The following SMARCC1 variants were observed in gnomAD, a reference collection of about 807,000 sequenced individuals.
SMARCC1 encodes SWI/SNF complex subunit SMARCC1.
In SMARCC1, 43 loss-of-function variants were observed where a neutral mutation model predicts 147.4. The observed-to-expected ratio is 0.29, with a 90% CI of 0.23 to 0.38. The LOEUF is 0.38. Ranked by LOEUF, SMARCC1 falls within the 10% of genes least tolerant of loss-of-function variation. The pLI is 1.00. For missense variants in SMARCC1, 1,119 were observed against 1,381.1 expected (o/e 0.81, Z 3.01); for synonymous variants, 495 against 484.4 (o/e 1.02, Z -0.29).
chr3:47,667,344 G>GA (rs1171460457), intron 19 of SMARCC1, among the ~76,000 whole-genome samples: 7 of 151,174 alleles, frequency 4.6e-5, no homozygotes, highest in Middle Eastern at 6.8e-3. Context: ...GAGAGAGAGA[G>GA]AAACTCTTAC....
intron 8 of SMARCC1, 42 bp from the exon 9 acceptor site, chr3:47,710,850 A>C (rs1443228689): frequency 6.5e-7 from 1 of 1,547,566 alleles, no homozygotes; most frequent in Non-Finnish European, 8.8e-7. Flanking sequence ...TAAATAACAA[A>C]ATCACTCAAG....
chr3:47,740,106 G>A (rs1452509213), intron 3 of SMARCC1, among the ~76,000 whole-genome samples: 1 of 149,814 alleles, frequency 6.7e-6, no homozygotes, highest in Non-Finnish European at 1.5e-5. Flanking sequence ...CTGACCTCAG[G>A]TGATCGCACA....
intron 3 of SMARCC1, among the ~76,000 whole-genome samples, chr3:47,742,061 T>C (rs1280303485): frequency 1.3e-5 from 2 of 152,112 alleles, no homozygotes; most frequent in African/African-American, 4.8e-5. Context: ...TCAGTGCATT[T>C]TTGTTTTTCC....
At chr3:47,709,513 C>G (rs2034058797) in intron 9 of SMARCC1, among the ~76,000 whole-genome samples, 1 of 151,530 alleles carries the variant, frequency 6.6e-6, no homozygotes, top group Non-Finnish European at 1.5e-5. Context: ...TGGTGAAATC[C>G]CGTTTCTACT....
In SMARCC1 at chr3:47,728,956, G is replaced by A. The variant is rs966041338; in HGVS notation, c.646+69C>T. 2.1e-5 allele frequency: 20 copies of A among 941,548 alleles called. No individual in the cohort carries two copies. The Admixed American group carries it at 4.4e-4, about 21-fold the overall frequency. 58.3% of individuals were successfully genotyped at this position (941,548 alleles called of 1,614,324 possible). A position where few individuals can be genotyped will look rare whatever the true frequency, so the allele number is the denominator to read the frequency against. The stretch of plus-strand genomic sequence containing the variant: ...GCTGGTTATTCTGTTTAAGTCTTTG[G>A]GGGTATGACATAAAATCCATTTGGT... On this transcript the variant is annotated intron_variant, in intron 6 of 27. Transcript: ENST00000254480.
At chr3:47,735,017 A>C (rs1025751460) in intron 5 of SMARCC1, among the ~76,000 whole-genome samples, 4 of 152,028 alleles carry the variant, frequency 2.6e-5, no homozygotes, top group Non-Finnish European at 4.4e-5. Context: ...GGCCTCTCAA[A>C]GTGCTGGGAT....
chr3:47,778,386 G>A (rs1576440190), intron 1 of SMARCC1, among the ~76,000 whole-genome samples: 2 of 151,622 alleles, frequency 1.3e-5, no homozygotes, highest in African/African-American at 4.8e-5. Flanking sequence ...ACAGTTCACC[G>A]CAGCCTCGAC....
At chr3:47,698,121 ATAC>A (rs1016219758) in intron 11 of SMARCC1, among the ~76,000 whole-genome samples, 4 of 151,684 alleles carry the variant, frequency 2.6e-5, no homozygotes, top group African/African-American at 9.7e-5. Context: ...AAAAAAAAAA[ATAC>A]AATGTCATCA....
At chr3:47,747,279 CAA>C (rs2034574775) in intron 2 of SMARCC1, among the ~76,000 whole-genome samples, 1 of 151,614 alleles carries the variant, frequency 6.6e-6, no homozygotes, top group African/African-American at 2.4e-5. Flanking sequence ...ACAAAAAATG[CAA>C]AAGAAATTAG....
chr3:47,662,417 C>A lies in SMARCC1; in HGVS notation c.2075G>T (p.Gly692Val). Reference protein sequence around the residue: ...AYQPVPFSQSGNPVMSTVAFL... With the variant: ...AYQPVPFSQSVNPVMSTVAFL... ...AGCAACAGTACTCATAACTGGATTT[C>A]CTGACTGACTGAAGGGGACAGGCTG... The change falls in exon 20 of 28, where the codon GGA (glycine) becomes GTA (valine). Residue 692 changes from glycine (G) to valine (V), a missense_variant. Gly to Val is a moderately radical substitution (Grantham distance 109). This residue lies in a region of SMARCC1 where 178 missense variants were observed against 264.6 expected (regional missense o/e 0.67). Transcript: ENST00000254480. 6.2e-7 allele frequency: 1 copy of A among 1,614,118 alleles called. No individual in the cohort carries two copies. Among genetic ancestry groups the A allele is most frequent in the Non-Finnish European group, 8.5e-7 (1 of 1,179,992 alleles).
rs2033996562 is a variant in SMARCC1, at chr3:47,706,469, T to C, written c.980A>G (p.His327Arg). 2.5e-6 allele frequency: 4 copies of C among 1,581,236 alleles called. No individual in the cohort carries two copies. The highest frequency in any genetic ancestry group is 2.6e-6 in the Non-Finnish European group (3 of 1,167,506). ...TGTCGGAGGGGGAGGCGAAGGCGAA[T>C]GTTTCCTCTTTCGAGCATTAGCTGA... ...KASANARKRKHSPSPPPPTPT... is the reference protein window; with the variant it reads ...KASANARKRKRSPSPPPPTPT... Residue 327 changes from histidine to arginine, a missense_variant, in exon 10 of 28, where the codon CAT becomes CGT. His to Arg is a conservative substitution (Grantham distance 29, BLOSUM62 0). Around this residue, in one of 6 missense-constraint regions of SMARCC1, gnomAD observed 542 missense variants for 611.8 expected, o/e 0.89. Coordinates refer to ENST00000254480, the MANE Select transcript of SMARCC1 (RefSeq NM_003074.4).
intron 1 of SMARCC1, 116 bp from the exon 2 acceptor site, chr3:47,773,052 G>C (rs1391874745): frequency 1.2e-6 from 1 of 825,704 alleles, no homozygotes; most frequent in Non-Finnish European, 1.9e-6. Context: ...AGATGTCTGA[G>C]ACACGCTCTG....
intron 8 of SMARCC1, among the ~76,000 whole-genome samples, chr3:47,713,093 C>T (rs1259406787): frequency 1.3e-5 from 2 of 152,024 alleles, no homozygotes; most frequent in Non-Finnish European, 2.9e-5. Context: ...GAGGTCCAGG[C>T]GGGCAGATCA....
intron 5 of SMARCC1, among the ~76,000 whole-genome samples, chr3:47,729,797 G>A (rs11130148): frequency 0.63 from 95,230 of 152,110 alleles, 30,610 homozygotes; most frequent in East Asian, 0.72. Context: ...ATGTGCAAGC[G>A]TAACACAGAT....
At chr3:47,620,975 G>T (rs2032722383) in intron 25 of SMARCC1, among the ~76,000 whole-genome samples, 1 of 152,086 alleles carries the variant, frequency 6.6e-6, no homozygotes, top group African/African-American at 2.4e-5. Flanking sequence ...ATTCAACCCA[G>T]TAATCCCATT....
intron 7 of SMARCC1, among the ~76,000 whole-genome samples, chr3:47,716,938 A>C (rs1310214430): frequency 6.6e-6 from 1 of 152,222 alleles, no homozygotes; most frequent in Non-Finnish European, 1.5e-5. Flanking sequence ...ATTTTTAAAA[A>C]GTAAAAAACT....
chr3:47,623,447 T>A (rs1365492003), intron 24 of SMARCC1, among the ~76,000 whole-genome samples: 1 of 152,204 alleles, frequency 6.6e-6, no homozygotes, highest in Non-Finnish European at 1.5e-5. Context: ...GACGAAAGCC[T>A]AATTTTTCAT....
intron 14 of SMARCC1, among the ~76,000 whole-genome samples, chr3:47,682,252 G>C (rs1385265812): frequency 6.9e-6 from 1 of 144,598 alleles, no homozygotes; most frequent in South Asian, 2.2e-4. Flanking sequence ...CCGATATCGC[G>C]CCACTGCACT....
intron 15 of SMARCC1, among the ~76,000 whole-genome samples, chr3:47,679,764 A>C (rs2033618478): frequency 6.7e-6 from 1 of 150,236 alleles, no homozygotes; most frequent in Non-Finnish European, 1.5e-5. Context: ...TGGGAGGCTG[A>C]GGCAGGAGAA....
Sources: gnomAD v4.1 joint callset for allele counts (sites outside exome capture counted in the v4.1 genomes callset) on GRCh38, gnomAD v4.1.1 for gene constraint, gnomAD v4.1.1 regional missense constraint, MANE v1.5 for transcripts, NCBI Gene and HGNC (gene_info 2026-07-23, HGNC 2026-07-21) for gene names.